Variants in FIGN observed in about 807,000 individuals in gnomAD.
The protein encoded by FIGN is fidgetin.
A neutral mutation model predicts 51.3 loss-of-function variants in FIGN; 11 were observed. That is an observed-to-expected ratio of 0.21 (90% CI 0.13 to 0.35). The LOEUF (loss-of-function observed/expected upper bound fraction) is 0.35, where lower values mean the gene tolerates loss of function less well. Among genes scored for constraint, FIGN ranks in the 10% least tolerant of loss-of-function variants. The probability of loss-of-function intolerance (pLI) is 1.00; values close to 1 mark genes in which losing one functional copy is unlikely to be tolerated. For synonymous variants in FIGN, 407 were observed against 363.2 expected, an observed-to-expected ratio of 1.12 and a Z score of -1.37; for missense variants, 857 against 943.6, an observed-to-expected ratio of 0.91 and a Z score of 1.20.
intron 2 of FIGN, among the ~76,000 whole-genome samples, chr2:163,633,074 C>G (rs1214768529): frequency 3.9e-5 from 6 of 151,940 alleles, no homozygotes; most frequent in African/African-American, 1.5e-4. Context: ...GTCCCAGCTA[C>G]TGGGGAGGCT....
intron 2 of FIGN, among the ~76,000 whole-genome samples, chr2:163,706,914 C>T (rs182126517): frequency 1.7e-3 from 256 of 152,142 alleles, no homozygotes; most frequent in African/African-American, 5.8e-3. Context: ...TATAAACAAA[C>T]GATGAAAACT....
intron 2 of FIGN, among the ~76,000 whole-genome samples, chr2:163,620,392 T>C (rs538486140): frequency 6.2e-4 from 94 of 152,252 alleles, no homozygotes; most frequent in Non-Finnish European, 1.1e-3. Flanking sequence ...CAGTGGCTAA[T>C]GAATATGTAT....
At chr2:163,689,173 A>AACACACACACACACACACACACACACAC (rs58519537) in intron 2 of FIGN, among the ~76,000 whole-genome samples, 16 of 144,656 alleles carry the variant, frequency 1.1e-4, no homozygotes, top group African/African-American at 4.1e-4. Context: ...AACAAAAATG[A>AACACACACACACACACACACACACACAC]ACACACACAC....
At position 163,708,651 on chromosome 2, in the gene FIGN, G is replaced by A. The variant is rs925516197; in HGVS notation, c.25+26252C>T. Among the ~76,000 whole-genome samples the A allele has an allele frequency of 2.3e-4, 35 of 152,192 alleles. 1 individual carries two copies. The highest frequency in any genetic ancestry group is 7.7e-4 in the African/African-American group (32 of 41,534). ...TTCTGTCTTTTAAAAAGTTTCAAAT[G>A]CTTATAATAGTCTTATCGATTTTTA... On this transcript the variant is annotated intron_variant, in intron 2 of 2. Coordinates refer to ENST00000333129, the MANE Select transcript of FIGN (RefSeq NM_018086.4).
At position 163,611,823 on chromosome 2, in the gene FIGN, G is replaced by T. The variant is rs758616478; in HGVS notation, c.26-17C>A. 6.3e-7 allele frequency: 1 copy of T among 1,580,620 alleles called. No individual in the cohort carries two copies. ...TCTTCAAGCCTAAGAATTTTGGGGG[G>T]AAAAGAGTTAATTTACTTAAATAGG... On this transcript the variant is annotated splice_polypyrimidine_tract_variant and intron_variant, in intron 2 of 2. Coordinates refer to ENST00000333129, the MANE Select transcript of FIGN (RefSeq NM_018086.4).
intron 2 of FIGN, among the ~76,000 whole-genome samples, chr2:163,673,272 C>T (rs898605935): frequency 1.3e-5 from 2 of 152,192 alleles, no homozygotes; most frequent in Middle Eastern, 3.4e-3. Flanking sequence ...TTGCGAGACA[C>T]TGGGTCCCTG....
At chr2:163,636,117 T>C (rs1267121176) in intron 2 of FIGN, among the ~76,000 whole-genome samples, 2 of 152,182 alleles carry the variant, frequency 1.3e-5, no homozygotes, top group African/African-American at 2.4e-5. Context: ...GTGGTTGATA[T>C]GTTAGGATCA....
At chr2:163,708,302 CTG>C (rs1684533565) in intron 2 of FIGN, among the ~76,000 whole-genome samples, 1 of 152,136 alleles carries the variant, frequency 6.6e-6, no homozygotes, top group African/African-American at 2.4e-5. Flanking sequence ...GTAATTAAGA[CTG>C]TTCCAATTAA....
chr2:163,723,209 A>G (rs1211295270), intron 2 of FIGN, among the ~76,000 whole-genome samples: 1 of 151,708 alleles, frequency 6.6e-6, no homozygotes, highest in African/African-American at 2.4e-5. Context: ...TAATAATAAT[A>G]AAATAATAAA....
chr2:163,680,030 A>G (rs747809627), intron 2 of FIGN, among the ~76,000 whole-genome samples: 2 of 152,212 alleles, frequency 1.3e-5, no homozygotes, highest in African/African-American at 4.8e-5. Context: ...TCTAGGACAT[A>G]AAGCGTGGAA....
At chr2:163,721,997 G>T (rs371047013) in intron 2 of FIGN, among the ~76,000 whole-genome samples, 1 of 152,074 alleles carries the variant, frequency 6.6e-6, no homozygotes. Context: ...AATTGAATTT[G>T]CCTTAGAAAT....
In FIGN at chr2:163,635,916, TA is replaced by T. The variant is rs771787359; in HGVS notation, c.26-24111del. ...AACTGATCTTTAACATAACTTGGAT[TA>T]AAAAAAAGATAGATATGTATAAAGA... On this transcript the variant is annotated intron_variant, in intron 2 of 2. Transcript: ENST00000333129. 3.3e-4 allele frequency among the ~76,000 whole-genome samples: 50 copies of T among 152,078 alleles called. 1 individual carries two copies. The highest frequency in any genetic ancestry group is 1.0e-3 in the African/African-American group (43 of 41,506).
intron 2 of FIGN, among the ~76,000 whole-genome samples, chr2:163,697,068 A>C (rs533282785): frequency 1.3e-5 from 2 of 150,784 alleles, no homozygotes; most frequent in African/African-American, 4.9e-5. Flanking sequence ...AGCACTAAGC[A>C]CATTGTGTCA....
At chr2:163,664,524 T>A (rs1683742166) in intron 2 of FIGN, among the ~76,000 whole-genome samples, 1 of 152,204 alleles carries the variant, frequency 6.6e-6, no homozygotes, top group Non-Finnish European at 1.5e-5. Context: ...ATCATAGGTA[T>A]TTTTCCAGAA....
chr2:163,705,049 T>C (rs898596), intron 2 of FIGN, among the ~76,000 whole-genome samples: 151,840 of 152,254 alleles, frequency 1, 75,725 homozygotes, highest in Middle Eastern at 1. Context: ...TGGTGAATTC[T>C]GTGACAACTT....
At chr2:163,687,168 A>C (rs183556258) in intron 2 of FIGN, among the ~76,000 whole-genome samples, 1 of 152,326 alleles carries the variant, frequency 6.6e-6, no homozygotes, top group Admixed American at 6.5e-5. Context: ...CAAAGCCATA[A>C]AACTGTGTCA....
chr2:163,694,478 C>A (rs571381568), intron 2 of FIGN, among the ~76,000 whole-genome samples: 2 of 152,098 alleles, frequency 1.3e-5, no homozygotes, highest in Non-Finnish European at 2.9e-5. Flanking sequence ...CAGGATGGGG[C>A]AAGCAAGAAG....
In FIGN at chr2:163,611,542, C is replaced by A; in HGVS notation, c.290G>T (p.Gly97Val). ...VLSNYSDTPS[G>V]LVNGRKNESE... ...TTCATTTTTCCGACCGTTCACTAGT[C>A]CTGATGGTGTGTCCGAATAGTTGCT... Residue 97 changes from glycine to valine, a missense_variant, in exon 3 of 3, where the codon GGA becomes GTA. By Grantham distance (109) the Gly-to-Val change is moderately radical. Transcript: ENST00000333129. The A allele has an allele frequency of 3.1e-6, 5 of 1,614,226 alleles. No individual in the cohort carries two copies. Among genetic ancestry groups the A allele is most frequent in the Non-Finnish European group, 4.2e-6 (5 of 1,180,036 alleles).
At chr2:163,676,481 A>ATC (rs1232036638) in intron 2 of FIGN, among the ~76,000 whole-genome samples, 23 of 68,198 alleles carry the variant, frequency 3.4e-4, no homozygotes, top group East Asian at 1.2e-3. Flanking sequence ...ATATATATAT[A>ATC]TAACTAGAGT....
Sources: gnomAD v4.1 joint callset for allele counts (sites outside exome capture counted in the v4.1 genomes callset) on GRCh38, gnomAD v4.1.1 for gene constraint, MANE v1.5 for transcripts, NCBI Gene and HGNC (gene_info 2026-07-23, HGNC 2026-07-21) for gene names.